Variants in AATF observed in about 807,000 individuals in gnomAD.
The protein encoded by AATF is apoptosis antagonizing transcription factor.
A neutral mutation model predicts 63.7 loss-of-function variants in AATF; 48 were observed. The observed-to-expected ratio is 0.75, with a 90% CI of 0.60 to 0.96. The LOEUF is 0.96. Among genes scored for constraint, AATF ranks in the 40% least tolerant of loss-of-function variants. AATF has a pLI of 0.00. For synonymous variants in AATF, 258 were observed against 247.7 expected, an observed-to-expected ratio of 1.04 and a Z score of -0.39; for missense variants, 639 against 685.7, an observed-to-expected ratio of 0.93 and a Z score of 0.76.
At chr17:36,999,776 CAG>C (rs2071280525) in intron 8 of AATF, 1 of 152,336 alleles carries the variant, frequency 6.6e-6, no homozygotes, top group South Asian at 2.1e-4. Flanking sequence ...AAATGACAAA[CAG>C]AGCCATGCAG....
In AATF at chr17:36,952,860, C is replaced by T. The variant is rs1365622672; in HGVS notation, c.284-26C>T. 12 of 1,593,784 alleles carry T rather than the reference C, an allele frequency of 7.5e-6. No homozygotes were observed. In the Admixed American group the frequency reaches 1.2e-4, roughly 16 times the overall value. On this transcript the variant is annotated intron_variant, in intron 2 of 11. Transcript: ENST00000619387. Reference sequence around the variant, plus strand: ...TTTTCTCCAGGTAATACCCATTTTTCTCTTTCTTCCCTCTCTTCTTTGTAG... The same window carrying T: ...TTTTCTCCAGGTAATACCCATTTTTTTCTTTCTTCCCTCTCTTCTTTGTAG...
chr17:37,015,921 T>C (rs2071425527), intron 8 of AATF, among the ~76,000 whole-genome samples: 1 of 152,300 alleles, frequency 6.6e-6, no homozygotes, highest in East Asian at 1.9e-4. Flanking sequence ...AAGAATAAAA[T>C]TTCTTTTCTC....
chr17:36,984,841 TTCAGCAGGCTGGAC>T (rs1420342216), intron 4 of AATF, among the ~76,000 whole-genome samples: 1 of 151,964 alleles, frequency 6.6e-6, no homozygotes, highest in Admixed American at 6.6e-5. Context: ...TCTTACTGTG[TTCAGCAGGCTGGAC>T]TCAAACTCCT....
chr17:36,958,023 T>G (rs1382811318), intron 4 of AATF, among the ~76,000 whole-genome samples: 1 of 152,184 alleles, frequency 6.6e-6, no homozygotes, highest in African/African-American at 2.4e-5. Context: ...AAACTTGAAC[T>G]GTGGAAGTGA....
intron 4 of AATF, among the ~76,000 whole-genome samples, chr17:36,973,445 G>A (rs1330124905): frequency 1.3e-5 from 2 of 152,060 alleles, no homozygotes; most frequent in East Asian, 1.9e-4. Context: ...TTCATCTGAG[G>A]GTTTTCTCCC....
At position 36,974,024 on chromosome 17, in the gene AATF, G is replaced by A. The variant is rs1321456336; in HGVS notation, c.833-12593G>A. On this transcript the variant is annotated intron_variant, in intron 4 of 11. Coordinates refer to ENST00000619387, the MANE Select transcript of AATF (RefSeq NM_012138.4). ...GTGGAGGTTGCAGTGAGCCAAAATC[G>A]TGCCACTGCACTCCAGCCTGGGCGA... Among the ~76,000 whole-genome samples, 5 of 150,936 alleles carry A rather than the reference G, an allele frequency of 3.3e-5. No homozygotes were observed. The East Asian group carries it at 5.9e-4, about 18-fold the overall frequency.
chr17:36,949,612 T>A (rs1276207214), intron 1 of AATF, among the ~76,000 whole-genome samples: 1 of 152,238 alleles, frequency 6.6e-6, no homozygotes, highest in Non-Finnish European at 1.5e-5. Flanking sequence ...CAGGTTGCCC[T>A]TCAAAACTAA....
At chr17:36,975,259 T>A (rs2071071427) in intron 4 of AATF, among the ~76,000 whole-genome samples, 1 of 152,170 alleles carries the variant, frequency 6.6e-6, no homozygotes, top group Non-Finnish European at 1.5e-5. Context: ...TCGTTAAAAT[T>A]AATGTTTGTT....
chr17:36,969,226 A>T (rs376600412), intron 4 of AATF, among the ~76,000 whole-genome samples: 4 of 152,154 alleles, frequency 2.6e-5, no homozygotes, highest in Non-Finnish European at 4.4e-5. Context: ...TCTTTATGAG[A>T]TCAAAATCTA....
intron 8 of AATF, among the ~76,000 whole-genome samples, chr17:36,992,758 C>T (rs572115544): frequency 6.6e-6 from 1 of 152,074 alleles, no homozygotes; most frequent in African/African-American, 2.4e-5. Flanking sequence ...TTTCCCCTTG[C>T]TGGTTAATTG....
intron 10 of AATF, among the ~76,000 whole-genome samples, chr17:37,022,049 T>A (rs1347637817): frequency 6.6e-6 from 1 of 151,856 alleles, no homozygotes; most frequent in Non-Finnish European, 1.5e-5. Flanking sequence ...TTTATAAGGG[T>A]ACAGATAAAA....
intron 4 of AATF, among the ~76,000 whole-genome samples, chr17:36,973,840 G>A (rs1789648507): frequency 6.6e-6 from 1 of 152,192 alleles, no homozygotes; most frequent in Non-Finnish European, 1.5e-5. Context: ...GGAGGCCGAG[G>A]CAGGTGGATC....
At chr17:36,951,162 G>A (rs2070851972) in intron 2 of AATF, among the ~76,000 whole-genome samples, 1 of 152,292 alleles carries the variant, frequency 6.6e-6, no homozygotes, top group East Asian at 1.9e-4. Context: ...TTGGGAGAAT[G>A]TCATTTGTTT....
chr17:37,018,645 C>G (rs1041422446), intron 8 of AATF, among the ~76,000 whole-genome samples: 1 of 152,110 alleles, frequency 6.6e-6, no homozygotes, highest in Non-Finnish European at 1.5e-5. Context: ...TTTTGCCACA[C>G]GGCCCTTCCC....
chr17:36,997,837 A>G (rs775152605), intron 8 of AATF, among the ~76,000 whole-genome samples: 1 of 152,260 alleles, frequency 6.6e-6, no homozygotes, highest in Non-Finnish European at 1.5e-5. Flanking sequence ...ATGCCCATCA[A>G]TCAACGAGTG....
rs112619742 is a variant in AATF at position 37,020,947 on chromosome 17, A to G, written c.1480A>G (p.Ile494Val). 1.4e-5 allele frequency: 23 copies of G among 1,612,030 alleles called. No individual in the cohort carries two copies. Among genetic ancestry groups the G allele is most frequent in the African/African-American group, 8.0e-5 (6 of 75,010 alleles). Reference protein sequence around the residue: ...QVAMGRQWLAIQKLRSKIHKK... With the variant: ...QVAMGRQWLAVQKLRSKIHKK... Reference sequence around the variant, plus strand: ...TGAATTTTCCAGGCAGTGGCTTGCAATCCAGAAGTTACGAAGCAAAATCCA... The same window carrying G: ...TGAATTTTCCAGGCAGTGGCTTGCAGTCCAGAAGTTACGAAGCAAAATCCA... Residue 494 changes from isoleucine (I) to valine (V), a missense_variant, in exon 10 of 12, where the codon ATC becomes GTC. Physicochemically the swap from Ile to Val is conservative, Grantham distance 29. Transcript: ENST00000619387.
At chr17:37,047,662 G>C (rs1338653773) in intron 11 of AATF, among the ~76,000 whole-genome samples, 3 of 152,226 alleles carry the variant, frequency 2.0e-5, no homozygotes, top group African/African-American at 7.2e-5. Context: ...AGCTTTTCCA[G>C]AGGTTTGAAG....
At chr17:37,006,891 A>G (rs2071345513) in intron 8 of AATF, among the ~76,000 whole-genome samples, 3 of 152,250 alleles carry the variant, frequency 2.0e-5, no homozygotes, top group African/African-American at 4.8e-5. Flanking sequence ...GCTGCAACGC[A>G]GAATCAAAAA....
intron 8 of AATF, among the ~76,000 whole-genome samples, chr17:37,008,104 G>A (rs1173978453): frequency 6.6e-6 from 1 of 152,114 alleles, no homozygotes; most frequent in African/African-American, 2.4e-5. Context: ...TTGAATTACT[G>A]TACTTGTTGC....
Sources: allele counts gnomAD v4.1 joint callset (sites outside exome capture counted in the v4.1 genomes callset), GRCh38; gene constraint gnomAD v4.1.1; transcripts MANE v1.5; gene names NCBI Gene and HGNC (gene_info 2026-07-23, HGNC 2026-07-21).